ASPRV1: variants seen among roughly 807,000 people sequenced by gnomAD.
The protein encoded by ASPRV1 is retroviral-like aspartic protease 1.
ASPRV1 carries 7 observed loss-of-function variants against 11.0 expected under a neutral mutation model. The ratio of observed to expected loss-of-function variants is 0.64; its 90% CI spans 0.36 to 1.20. ASPRV1 has a LOEUF of 1.20. Ranked by LOEUF, ASPRV1 falls within the 50% of genes most tolerant of loss-of-function variation. The pLI is 0.02. For synonymous variants in ASPRV1, 136 were observed against 138.4 expected (o/e 0.98, Z 0.12); for missense variants, 299 against 320.0 (o/e 0.93, Z 0.50).
chr2:69,935,486 C>G, the ASPRV1 span: 1 of 1,503,874 alleles, frequency 6.6e-7, no homozygotes, highest in South Asian at 1.1e-5. Context: ...TGTTGGGATG[C>G]TGCTTTATCT....
chr2:69,964,107 T>A (rs186289975), upstream of ASPRV1: 65 of 215,860 alleles, frequency 3.0e-4, no homozygotes, highest in East Asian at 7.3e-3. Context: ...GAAGCCTTGG[T>A]CACACTGACT....
the ASPRV1 span, chr2:70,028,656 T>G: frequency 6.6e-6 from 1 of 152,266 alleles, no homozygotes; most frequent in Non-Finnish European, 1.5e-5. Flanking sequence ...TCATGAGGGC[T>G]GTGCTCTCAC....
downstream of ASPRV1, among the ~76,000 whole-genome samples, chr2:69,955,363 C>T (rs1050475578): frequency 1.3e-5 from 2 of 152,204 alleles, no homozygotes; most frequent in African/African-American, 2.4e-5. Flanking sequence ...CACTGGCCCT[C>T]GAGGCACTCC....
chr2:69,996,209 T>A, the ASPRV1 span, among the ~76,000 whole-genome samples: 1 of 87,906 alleles, frequency 1.1e-5, no homozygotes. Flanking sequence ...GAGACCCCCA[T>A]CTCTCAAAAA....
chr2:69,973,953 C>A, the ASPRV1 span, among the ~76,000 whole-genome samples: 1 of 152,116 alleles, frequency 6.6e-6, no homozygotes, highest in African/African-American at 2.4e-5. Flanking sequence ...TGAATGCAGA[C>A]TTGGGGAAAA....
At chr2:70,082,943 C>T in the ASPRV1 span, among the ~76,000 whole-genome samples, 1 of 151,988 alleles carries the variant, frequency 6.6e-6, no homozygotes, top group Middle Eastern at 3.2e-3. Context: ...CCATAGTATG[C>T]TTGCTGAACC....
chr2:69,973,386 GT>G, the ASPRV1 span, among the ~76,000 whole-genome samples: 13 of 148,718 alleles, frequency 8.7e-5, no homozygotes, highest in African/African-American at 2.7e-4. Context: ...TTCACTTGTT[GT>G]TTTTTTTTTA....
At chr2:70,048,188 G>A in the ASPRV1 span, among the ~76,000 whole-genome samples, 3 of 150,454 alleles carry the variant, frequency 2.0e-5, no homozygotes, top group Non-Finnish European at 4.4e-5. Context: ...GGCCGAGGCG[G>A]GCAGATCACG....
At chr2:69,952,422 T>C in the ASPRV1 span, among the ~76,000 whole-genome samples, 2 of 152,152 alleles carry the variant, frequency 1.3e-5, no homozygotes, top group African/African-American at 2.4e-5. Context: ...AGGGGATTGC[T>C]TGAGCCTGGG....
At chr2:69,978,622 G>A in the ASPRV1 span, among the ~76,000 whole-genome samples, 2 of 152,218 alleles carry the variant, frequency 1.3e-5, no homozygotes, top group African/African-American at 4.8e-5. Flanking sequence ...ACAAGCCACA[G>A]CAAGGCATGA....
chr2:69,958,917 C>G (rs1440869143), downstream of ASPRV1, among the ~76,000 whole-genome samples: 1 of 152,204 alleles, frequency 6.6e-6, no homozygotes, highest in African/African-American at 2.4e-5. Flanking sequence ...CCTGTCCTTC[C>G]TCCAGGTGCC....
At chr2:70,022,180 A>C in the ASPRV1 span, among the ~76,000 whole-genome samples, 1 of 150,972 alleles carries the variant, frequency 6.6e-6, no homozygotes, top group African/African-American at 2.4e-5. Flanking sequence ...ATGCCCGGCT[A>C]ATTTTTTTGT....
the ASPRV1 span, among the ~76,000 whole-genome samples, chr2:70,067,229 G>GGGAA: frequency 1.3e-5 from 2 of 152,184 alleles, no homozygotes; most frequent in East Asian, 3.8e-4. Context: ...GACGTGGGAA[G>GGGAA]GGAAGGAAGG....
At chr2:70,015,741 T>C in the ASPRV1 span, 1 of 152,156 alleles carries the variant, frequency 6.6e-6, no homozygotes, top group Admixed American at 6.5e-5. Flanking sequence ...CGTGGGCAGA[T>C]CACTGGAACT....
At chr2:70,011,351 A>AG in the ASPRV1 span, among the ~76,000 whole-genome samples, 1 of 152,014 alleles carries the variant, frequency 6.6e-6, no homozygotes, top group African/African-American at 2.4e-5. Flanking sequence ...AACAGGGGGC[A>AG]GGGGGCCAGG....
chr2:70,053,105 CAG>C, the ASPRV1 span, among the ~76,000 whole-genome samples: 2 of 152,140 alleles, frequency 1.3e-5, no homozygotes, highest in Non-Finnish European at 2.9e-5. Flanking sequence ...CCATTTACCG[CAG>C]AGATTCACAG....
the ASPRV1 span, among the ~76,000 whole-genome samples, chr2:69,951,102 T>C: frequency 2.6e-5 from 4 of 151,336 alleles, no homozygotes; most frequent in Non-Finnish European, 5.9e-5. Context: ...GGTAAGTGGG[T>C]TCAAGGTTCT....
At chr2:69,938,453 G>C in the ASPRV1 span, 29 of 633,876 alleles carry the variant, frequency 4.6e-5, no homozygotes, top group Non-Finnish European at 7.3e-5. Context: ...GTGGGTTTCT[G>C]ATTGCATCCA....
the ASPRV1 span, among the ~76,000 whole-genome samples, chr2:70,006,413 G>A: frequency 6.3e-3 from 952 of 152,302 alleles, 9 homozygotes; most frequent in African/African-American, 0.022. Context: ...TTAGGTGGGT[G>A]TAAATCTTCC....
Sources: allele counts gnomAD v4.1 joint callset (sites outside exome capture counted in the v4.1 genomes callset), GRCh38; gene constraint gnomAD v4.1.1; transcripts MANE v1.5; gene names NCBI Gene and HGNC (gene_info 2026-07-23, HGNC 2026-07-21).